The following STAT3 variants were observed in gnomAD, a reference collection of about 807,000 sequenced individuals.
STAT3 encodes signal transducer and activator of transcription 3, also known as DNA-binding protein APRF.
In STAT3, 7 loss-of-function variants were observed where a neutral mutation model predicts 114.3. The ratio of observed to expected loss-of-function variants is 0.06; its 90% confidence interval spans 0.03 to 0.11. The LOEUF is 0.11. Ranked by LOEUF, STAT3 falls within the 10% of genes least tolerant of loss-of-function variation. STAT3 has a pLI of 1.00. For synonymous variants in STAT3, 331 were observed against 354.5 expected (o/e 0.93, Z 0.74); for missense variants, 364 against 960.9 (o/e 0.38, Z 8.21).
At chr17:42,322,854 G>C (rs1426364855) in intron 20 of STAT3, 150 bp downstream of exon 20, 1 of 1,107,130 alleles carries the variant, frequency 9.0e-7, no homozygotes, top group Non-Finnish European at 1.3e-6. Context: ...GAAGGATTTA[G>C]AAGTCACGCA....
chr17:42,344,734 G>A (rs2082617547), intron 4 of STAT3, among the ~76,000 whole-genome samples: 1 of 146,988 alleles, frequency 6.8e-6, no homozygotes, highest in African/African-American at 2.5e-5. Flanking sequence ...AAAAAAAAAA[G>A]AGAGATGAGG....
intron 1 of STAT3, among the ~76,000 whole-genome samples, chr17:42,362,612 C>T (rs1410913359): frequency 6.6e-6 from 1 of 152,212 alleles, no homozygotes; most frequent in South Asian, 2.1e-4. Context: ...TAGCGTGTAG[C>T]TGGTGCCAGT....
chr17:42,317,033 C>T (rs2081281283), intron 22 of STAT3, 132 bp from the exon 23 acceptor site: 3 of 1,558,566 alleles, frequency 1.9e-6, no homozygotes, highest in South Asian at 1.2e-5. Context: ...AAAGCTCAAG[C>T]TTTTTAAACA....
chr17:42,323,907 GCACT>G (rs1054264602), intron 17 of STAT3, among the ~76,000 whole-genome samples: 2 of 152,222 alleles, frequency 1.3e-5, no homozygotes, highest in African/African-American at 2.4e-5. Flanking sequence ...ACCAACAGCA[GCACT>G]CACTAACAAG....
chr17:42,325,959 G>T (rs1002402426), intron 15 of STAT3, among the ~76,000 whole-genome samples, 157 bp downstream of exon 15: 1 of 152,082 alleles, frequency 6.6e-6, no homozygotes, highest in Admixed American at 6.5e-5. Context: ...TGCCAGATGG[G>T]ATGCCAAGGA....
chr17:42,324,942 C>T lies in STAT3; in HGVS notation c.1464+21G>A, dbSNP rs2081642217. Reference sequence around the variant, plus strand: ...GTCGCAAGAGATCCCGGGGCACCAACTAAAAGGAGGGGGCACTAACCTTGG... The same window carrying T: ...GTCGCAAGAGATCCCGGGGCACCAATTAAAAGGAGGGGGCACTAACCTTGG... On this transcript the variant is annotated intron_variant, in intron 16 of 23. Coordinates refer to ENST00000264657, the MANE Select transcript of STAT3 (RefSeq NM_139276.3). This position sits in a 1 kb window ranked among gnomAD's most constrained non-coding sequence, Gnocchi z 4.5. 2 of 1,614,182 alleles carry T rather than the reference C, an allele frequency of 1.2e-6. No individual in the cohort carries two copies. The highest frequency in any genetic ancestry group is 1.3e-5 in the African/African-American group (1 of 75,048).
chr17:42,317,625 G>A (rs905605255), intron 21 of STAT3: 11 of 286,642 alleles, frequency 3.8e-5, no homozygotes, highest in African/African-American at 6.5e-5. Context: ...TGCAGGAACC[G>A]AGCCTGTGTA....
At chr17:42,367,028 C>G (rs2083839234) in intron 1 of STAT3, among the ~76,000 whole-genome samples, 1 of 152,062 alleles carries the variant, frequency 6.6e-6, no homozygotes, top group Admixed American at 6.6e-5. Flanking sequence ...GTAATCTCAG[C>G]TACTCGGGAG....
At chr17:42,375,173 A>C (rs894643599) in intron 1 of STAT3, among the ~76,000 whole-genome samples, 1 of 152,204 alleles carries the variant, frequency 6.6e-6, no homozygotes, top group Non-Finnish European at 1.5e-5. Context: ...GAAATCTCTA[A>C]AACATTTTCC....
intron 1 of STAT3, among the ~76,000 whole-genome samples, chr17:42,377,502 A>G (rs188121540): frequency 3.2e-4 from 49 of 152,302 alleles, no homozygotes; most frequent in Middle Eastern, 3.4e-3. Flanking sequence ...GCTGCTATAT[A>G]TGGAAGGAAC....
chr17:42,363,453 T>C (rs1176895810), intron 1 of STAT3, among the ~76,000 whole-genome samples: 2 of 152,088 alleles, frequency 1.3e-5, no homozygotes, highest in South Asian at 2.1e-4. Flanking sequence ...CAGATGACTT[T>C]CATTTTTTGA....
chr17:42,329,883 G>T, intron 11 of STAT3, 107 bp from the exon 12 acceptor site: 1 of 1,256,496 alleles, frequency 8.0e-7, no homozygotes, highest in Non-Finnish European at 1.1e-6. Flanking sequence ...TGTGCTCCTG[G>T]GCATTTCTTT....
At chr17:42,332,858 G>A (rs17884714) in intron 10 of STAT3, among the ~76,000 whole-genome samples, 169 of 151,860 alleles carry the variant, frequency 1.1e-3, no homozygotes, top group African/African-American at 3.0e-3. Context: ...AAAATTAGCC[G>A]GGTGTGGTGG....
chr17:42,318,489 G>A (rs1015912371), intron 21 of STAT3, among the ~76,000 whole-genome samples: 3 of 152,118 alleles, frequency 2.0e-5, no homozygotes, highest in African/African-American at 7.2e-5. Flanking sequence ...GGGAAGACAA[G>A]GTGCCAATTT....
At position 42,316,912 on chromosome 17, in the gene STAT3, TGGG is replaced by T. The variant is rs751757124; in HGVS notation, c.2145-14_2145-12del. On this transcript the variant is annotated splice_polypyrimidine_tract_variant and intron_variant, in intron 22 of 23. Transcript: ENST00000264657. ...TTGCTGCAGGTCGTTCTGTAGGAAA[TGGG>T]GGGCAGCAGGAGGGGAAACGGGGGG... 8 of 1,581,332 alleles carry T rather than the reference TGGG, an allele frequency of 5.1e-6. No individual in the cohort carries two copies. The South Asian group carries it at 7.8e-5, about 15-fold the overall frequency.
intron 1 of STAT3, among the ~76,000 whole-genome samples, chr17:42,361,030 T>C (rs2083481843): frequency 6.6e-6 from 1 of 152,184 alleles, no homozygotes; most frequent in Non-Finnish European, 1.5e-5. Context: ...GACTAGAACC[T>C]GTCTCCTCAC....
At chr17:42,379,179 G>A (rs975559036) in intron 1 of STAT3, among the ~76,000 whole-genome samples, 1 of 152,068 alleles carries the variant, frequency 6.6e-6, no homozygotes, top group African/African-American at 2.4e-5. Context: ...TCCACAATAG[G>A]GAAGCCAAGC....
intron 1 of STAT3, among the ~76,000 whole-genome samples, chr17:42,364,256 C>T (rs1488521025): frequency 6.6e-6 from 1 of 152,126 alleles, no homozygotes; most frequent in East Asian, 1.9e-4. Flanking sequence ...TCTTGAATTT[C>T]GAGTTTGGAG....
chr17:42,338,711 C>A lies in STAT3; in HGVS notation c.550+20G>T. On this transcript the variant is annotated intron_variant, in intron 6 of 23. Transcript: ENST00000264657. ...CAAACTCACTTTCTAGAGATTTTAA[C>A]ATCTCTAATATTCACTTGCCTCCTT... The A allele has an allele frequency of 6.3e-7, 1 of 1,585,062 alleles. No homozygotes were observed. The highest frequency in any genetic ancestry group is 8.7e-7 in the Non-Finnish European group (1 of 1,153,612).
Sources: gnomAD v4.1 joint callset for allele counts (sites outside exome capture counted in the v4.1 genomes callset) on GRCh38, gnomAD v4.1.1 for gene constraint, Gnocchi (gnomAD v3.1) non-coding constraint, MANE v1.5 for transcripts, NCBI Gene and HGNC (gene_info 2026-07-23, HGNC 2026-07-21) for gene names.